CDH8: variants seen among roughly 807,000 people sequenced by gnomAD.
CDH8 encodes cadherin 8.
CDH8 carries 17 observed loss-of-function variants against 68.1 expected under a neutral mutation model. The ratio of observed to expected loss-of-function variants is 0.25; its 90% CI spans 0.17 to 0.37. The LOEUF (loss-of-function observed/expected upper bound fraction) is 0.37. Ranked by LOEUF, CDH8 falls within the 10% of genes least tolerant of loss-of-function variation. The probability of loss-of-function intolerance (pLI) is 1.00; values close to 1 mark genes in which losing one functional copy is unlikely to be tolerated. For missense variants in CDH8, 763 were observed against 999.3 expected (o/e 0.76, Z 3.19); for synonymous variants, 372 against 365.1 (o/e 1.02, Z -0.21).
chr16:61,851,248 AT>A (rs145244002), intron 4 of CDH8, among the ~76,000 whole-genome samples: 2 of 151,836 alleles, frequency 1.3e-5, no homozygotes, highest in African/African-American at 2.4e-5. Context: ...CATTACATGG[AT>A]TTTTTTTCCC....
At chr16:61,886,360 T>C (rs1306889167) in intron 3 of CDH8, among the ~76,000 whole-genome samples, 3 of 152,212 alleles carry the variant, frequency 2.0e-5, no homozygotes, top group Non-Finnish European at 4.4e-5. Context: ...ACTGTTTACA[T>C]AGCCAGGAAG....
chr16:61,958,150 A>G (rs1432277729), intron 2 of CDH8, among the ~76,000 whole-genome samples: 1 of 152,198 alleles, frequency 6.6e-6, no homozygotes, highest in African/African-American at 2.4e-5. Flanking sequence ...TTAGCAATCA[A>G]GAAGCACAGA....
intron 5 of CDH8, among the ~76,000 whole-genome samples, chr16:61,822,452 A>G (rs1962239854): frequency 6.6e-6 from 1 of 151,592 alleles, no homozygotes; most frequent in South Asian, 2.1e-4. Context: ...AGGAAAAATC[A>G]AATCTGGAGA....
intron 4 of CDH8, among the ~76,000 whole-genome samples, chr16:61,847,572 A>C (rs939539057): frequency 1.4e-5 from 2 of 142,510 alleles, no homozygotes; most frequent in East Asian, 4.1e-4. Context: ...ATATATATGT[A>C]ATTAATATAT....
intron 2 of CDH8, among the ~76,000 whole-genome samples, chr16:61,912,526 T>C (rs1034877543): frequency 6.6e-6 from 1 of 152,050 alleles, no homozygotes; most frequent in African/African-American, 2.4e-5. Context: ...ATAGATAAGA[T>C]AATTGGGATG....
At chr16:61,958,787 CTAAGAT>C (rs1965027898) in intron 2 of CDH8, among the ~76,000 whole-genome samples, 1 of 152,144 alleles carries the variant, frequency 6.6e-6, no homozygotes, top group Non-Finnish European at 1.5e-5. Context: ...AGATTATCTA[CTAAGAT>C]TATCTACTAA....
chr16:61,859,119 T>C (rs948950636), intron 3 of CDH8, among the ~76,000 whole-genome samples: 4 of 152,154 alleles, frequency 2.6e-5, no homozygotes, highest in Non-Finnish European at 4.4e-5. Context: ...GAATTTCTAC[T>C]CAGAATGATG....
rs117251047 is a variant in CDH8 at position 61,761,734 on chromosome 16, G to A, written c.1414+27612C>T. Among the ~76,000 whole-genome samples, 1,418 of 152,228 alleles carry A rather than the reference G, an allele frequency of 9.3e-3. 45 individuals carry two copies. Among genetic ancestry groups the A allele is most frequent in the East Asian group, 0.074 (383 of 5,156 alleles). ...ATGGCAAAATTAGGCCAGGTGCAGTGGCTCATGTCTGTAATCCCAGGACTT... is the reference window on the plus strand; with the variant it reads ...ATGGCAAAATTAGGCCAGGTGCAGTAGCTCATGTCTGTAATCCCAGGACTT... On this transcript the variant is annotated intron_variant, in intron 8 of 11. Transcript: ENST00000577390.
chr16:61,901,301 T>G lies in CDH8; in HGVS notation c.425A>C (p.Glu142Ala). 1 of 1,614,052 alleles carries G rather than the reference T, an allele frequency of 6.2e-7. No homozygotes were observed. Among genetic ancestry groups the G allele is most frequent in the Non-Finnish European group, 8.5e-7 (1 of 1,179,984 alleles). ...AGGAGGCTCCAGAGGTTTGCTTGTC[T>G]CCCAGTCCACTGCTTGAGCTGTTAG... is the stretch of plus-strand genomic sequence containing the variant. ...YTLTAQAVDWETSKPLEPPSE... is the reference protein window; with the variant it reads ...YTLTAQAVDWATSKPLEPPSE... The change falls in exon 3 of 12, where the codon GAG becomes GCG. Residue 142 changes from glutamate to alanine, a missense_variant. This residue lies in a region of CDH8 where 366 missense variants were observed against 563.1 expected (regional missense o/e 0.65). Coordinates refer to ENST00000577390, the MANE Select transcript of CDH8 (RefSeq NM_001796.5).
chr16:61,732,902 T>C (rs888239639), intron 8 of CDH8, among the ~76,000 whole-genome samples: 2 of 151,750 alleles, frequency 1.3e-5, no homozygotes, highest in East Asian at 3.9e-4. Flanking sequence ...GAAAGTGTAC[T>C]GGGCTAAGAA....
At chr16:61,772,587 T>C (rs868840311) in intron 8 of CDH8, among the ~76,000 whole-genome samples, 1 of 152,080 alleles carries the variant, frequency 6.6e-6, no homozygotes, top group Non-Finnish European at 1.5e-5. Context: ...TTTGTCCTTG[T>C]TGTCAAGGCT....
intron 8 of CDH8, among the ~76,000 whole-genome samples, chr16:61,765,213 T>G (rs1338550396): frequency 6.6e-6 from 1 of 152,158 alleles, no homozygotes; most frequent in Non-Finnish European, 1.5e-5. Context: ...ATCAAATTTC[T>G]AAATCTCAAA....
chr16:61,662,364 A>T (rs1416245939), intron 10 of CDH8, among the ~76,000 whole-genome samples: 1 of 151,822 alleles, frequency 6.6e-6, no homozygotes, highest in Non-Finnish European at 1.5e-5. Context: ...TGAGCAGAGT[A>T]AACAGAGAGT....
rs1397127 is a variant in CDH8, at chr16:61,900,416, A to G, written c.547+763T>C. On this transcript the variant is annotated intron_variant, in intron 3 of 11. Coordinates refer to ENST00000577390, the MANE Select transcript of CDH8 (RefSeq NM_001796.5). Reference sequence around the variant, plus strand: ...CTTTGAACTTTAGATTCTGCCTACTACTTTTATCATACAAGGAAGAGCTCT... The same window carrying G: ...CTTTGAACTTTAGATTCTGCCTACTGCTTTTATCATACAAGGAAGAGCTCT... 0.022 allele frequency among the ~76,000 whole-genome samples: 3,317 copies of G among 152,262 alleles called. 241 individuals carry two copies. In the East Asian group the frequency reaches 0.23, roughly 11 times the overall value.
At chr16:61,932,016 G>A (rs1964548720) in intron 2 of CDH8, among the ~76,000 whole-genome samples, 1 of 152,002 alleles carries the variant, frequency 6.6e-6, no homozygotes, top group Non-Finnish European at 1.5e-5. Flanking sequence ...GACCATCCTG[G>A]CTAACACGGT....
intron 2 of CDH8, among the ~76,000 whole-genome samples, chr16:61,932,218 A>AAAAAAAAAAAGAAAAG (rs577005665): frequency 3.4e-5 from 5 of 146,898 alleles, no homozygotes; most frequent in South Asian, 2.1e-4. Flanking sequence ...AAAAAAAAAA[A>AAAAAAAAAAAGAAAAG]AAAAGAAAAG....
intron 8 of CDH8, among the ~76,000 whole-genome samples, chr16:61,747,655 C>T (rs991406679): frequency 1.3e-5 from 2 of 151,694 alleles, no homozygotes; most frequent in Non-Finnish European, 2.9e-5. Context: ...GAAAAACCTG[C>T]TAGAGGTTTA....
At chr16:61,993,058 T>G (rs1965752588) in intron 2 of CDH8, among the ~76,000 whole-genome samples, 1 of 152,192 alleles carries the variant, frequency 6.6e-6, no homozygotes, top group Non-Finnish European at 1.5e-5. Flanking sequence ...GTACTGGGAT[T>G]ACAAGTGTGG....
chr16:61,845,624 TCATGGTGATATA>T (rs969608772), intron 4 of CDH8, among the ~76,000 whole-genome samples: 2 of 151,974 alleles, frequency 1.3e-5, no homozygotes, highest in Admixed American at 1.3e-4. Flanking sequence ...TTTCTGATCC[TCATGGTGATATA>T]AAACTGCCTA....
Sources: gnomAD v4.1 joint callset for allele counts (sites outside exome capture counted in the v4.1 genomes callset) on GRCh38, gnomAD v4.1.1 for gene constraint, gnomAD v4.1.1 regional missense constraint, MANE v1.5 for transcripts, NCBI Gene and HGNC (gene_info 2026-07-23, HGNC 2026-07-21) for gene names.